Variants in CDH13 observed in about 807,000 individuals in gnomAD.
CDH13 encodes cadherin 13, also known as cadherin-13.
In CDH13, 24 loss-of-function variants were observed where a neutral mutation model predicts 63.8. The ratio of observed to expected loss-of-function variants is 0.38; its 90% CI spans 0.27 to 0.53. CDH13 has a LOEUF of 0.53. CDH13 is among the 20% of genes least tolerant of loss of function. The pLI is 0.85. For missense variants in CDH13, 1,049 were observed against 903.1 expected, an observed-to-expected ratio of 1.16 and a Z score of -2.07; for synonymous variants, 503 against 355.3, an observed-to-expected ratio of 1.42 and a Z score of -4.67.
chr16:83,580,450 C>G (rs1443762936), intron 7 of CDH13, among the ~76,000 whole-genome samples: 1 of 5,720 alleles, frequency 1.7e-4, no homozygotes, highest in African/African-American at 1.6e-3. Flanking sequence ...CTGTTCATTT[C>G]TCTCTCTCTC....
intron 10 of CDH13, chr16:83,735,928 C>T (rs1327377438): frequency 6.6e-6 from 1 of 151,936 alleles, no homozygotes; most frequent in Non-Finnish European, 1.5e-5. Flanking sequence ...CCTAGGAATG[C>T]AGGGAAAAAA....
intron 1 of CDH13, among the ~76,000 whole-genome samples, chr16:82,783,627 C>T (rs1306090239): frequency 1.3e-5 from 2 of 152,204 alleles, no homozygotes; most frequent in Admixed American, 1.3e-4. Context: ...AAAGTAAGTT[C>T]TTCACGGAAC....
chr16:83,210,138 C>G (rs1231198789), intron 4 of CDH13, among the ~76,000 whole-genome samples: 1 of 151,422 alleles, frequency 6.6e-6, no homozygotes, highest in Admixed American at 6.6e-5. Flanking sequence ...GATCTTGGCT[C>G]ACTGCAACCT....
chr16:82,661,676 T>C (rs1019006314), intron 1 of CDH13, among the ~76,000 whole-genome samples: 1 of 152,256 alleles, frequency 6.6e-6, no homozygotes, highest in African/African-American at 2.4e-5. Flanking sequence ...CTTACAAATG[T>C]ATGAACTCGT....
At chr16:82,753,291 A>C (rs543403884) in intron 1 of CDH13, among the ~76,000 whole-genome samples, 1 of 152,190 alleles carries the variant, frequency 6.6e-6, no homozygotes, top group Non-Finnish European at 1.5e-5. Context: ...TTCAAAGTTC[A>C]TATCTCACTT....
intron 1 of CDH13, among the ~76,000 whole-genome samples, chr16:82,802,164 C>G (rs1414074523): frequency 6.6e-6 from 1 of 152,118 alleles, no homozygotes; most frequent in Non-Finnish European, 1.5e-5. Flanking sequence ...CAGGTGCTTT[C>G]CACCTGCCAA....
intron 3 of CDH13, among the ~76,000 whole-genome samples, chr16:83,035,682 G>A (rs138214946): frequency 1.3e-5 from 2 of 152,224 alleles, no homozygotes; most frequent in East Asian, 3.9e-4. Context: ...GTGCATAGTT[G>A]GGAGGGTCTA....
chr16:82,893,962 A>G (rs2151227003), intron 2 of CDH13, among the ~76,000 whole-genome samples: 1 of 151,990 alleles, frequency 6.6e-6, no homozygotes, highest in South Asian at 2.1e-4. Flanking sequence ...CTCTACTTTA[A>G]TCCAGTCTAC....
intron 4 of CDH13, among the ~76,000 whole-genome samples, chr16:83,214,153 C>A (rs1208073875): frequency 6.6e-6 from 1 of 152,088 alleles, no homozygotes; most frequent in Non-Finnish European, 1.5e-5. Flanking sequence ...AATACTGCTG[C>A]TGGCAGAGAG....
chr16:82,788,458 C>T (rs189992186), intron 1 of CDH13, among the ~76,000 whole-genome samples: 8 of 151,926 alleles, frequency 5.3e-5, no homozygotes, highest in South Asian at 2.1e-4. Flanking sequence ...CATTTTCCAG[C>T]GTCACTCTCA....
chr16:83,378,544 A>G (rs566642696), intron 6 of CDH13, among the ~76,000 whole-genome samples: 1 of 152,184 alleles, frequency 6.6e-6, no homozygotes, highest in Admixed American at 6.5e-5. Context: ...GTGGGATGCA[A>G]CTGTGAGTCT....
intron 1 of CDH13, among the ~76,000 whole-genome samples, chr16:82,744,007 G>C (rs2034050288): frequency 6.6e-6 from 1 of 152,154 alleles, no homozygotes; most frequent in African/African-American, 2.4e-5. Flanking sequence ...TGAACAAGAT[G>C]GATAAGGGAT....
chr16:83,340,810 G>A (rs1047949503), intron 5 of CDH13, among the ~76,000 whole-genome samples: 2 of 152,138 alleles, frequency 1.3e-5, no homozygotes, highest in African/African-American at 2.4e-5. Context: ...TTAAAATCCT[G>A]CAACATTGGA....
intron 2 of CDH13, among the ~76,000 whole-genome samples, chr16:82,961,573 A>AAG (rs1907001181): frequency 2.0e-5 from 1 of 48,832 alleles, no homozygotes; most frequent in Non-Finnish European, 3.8e-5. Context: ...CAGGGGACTT[A>AAG]AAAAAAAAAA....
intron 11 of CDH13, among the ~76,000 whole-genome samples, chr16:83,748,559 C>G (rs952699065): frequency 6.6e-6 from 1 of 152,178 alleles, no homozygotes; most frequent in African/African-American, 2.4e-5. Context: ...TGGTGTCATG[C>G]TCTCATTTGC....
intron 10 of CDH13, among the ~76,000 whole-genome samples, chr16:83,680,110 C>A (rs117866610): frequency 6.6e-6 from 1 of 152,184 alleles, no homozygotes; most frequent in South Asian, 2.1e-4. Flanking sequence ...CTGAAGAACC[C>A]GCTCGAGATA....
At chr16:83,613,197 C>G (rs1598370026) in intron 8 of CDH13, among the ~76,000 whole-genome samples, 1 of 152,206 alleles carries the variant, frequency 6.6e-6, no homozygotes, top group Admixed American at 6.5e-5. Flanking sequence ...AAACGTGTCT[C>G]TTTTCTCTGG....
chr16:83,334,577 C>T (rs993506990), intron 5 of CDH13, among the ~76,000 whole-genome samples: 26 of 151,748 alleles, frequency 1.7e-4, no homozygotes, highest in African/African-American at 6.3e-4. Flanking sequence ...AGTCTCTCTA[C>T]ATTGCTCAGG....
chr16:83,331,342 A>T (rs1175668938), intron 5 of CDH13, among the ~76,000 whole-genome samples: 1 of 152,226 alleles, frequency 6.6e-6, no homozygotes, highest in Non-Finnish European at 1.5e-5. Context: ...CCAAAACTGT[A>T]GAACTGTAAA....
Sources: allele counts gnomAD v4.1 joint callset (sites outside exome capture counted in the v4.1 genomes callset), GRCh38; gene constraint gnomAD v4.1.1; transcripts MANE v1.5; gene names NCBI Gene and HGNC (gene_info 2026-07-23, HGNC 2026-07-21).